MRAP: variants seen among roughly 807,000 people sequenced by gnomAD.
MRAP encodes melanocortin-2 receptor accessory protein.
In MRAP, 8 loss-of-function variants were observed where a neutral mutation model predicts 8.7. The ratio of observed to expected loss-of-function variants is 0.92; its 90% CI spans 0.54 to 1.66. MRAP has a LOEUF of 1.66. Ranked by LOEUF, MRAP falls within the 40% of genes most tolerant of loss-of-function variation. The probability of loss-of-function intolerance (pLI) is 0.00; values close to 1 mark genes in which losing one functional copy is unlikely to be tolerated. For synonymous variants in MRAP, 95 were observed against 95.5 expected, an observed-to-expected ratio of 1.00 and a Z score of 0.03; for missense variants, 237 against 217.1, an observed-to-expected ratio of 1.09 and a Z score of -0.58.
intron 1 of MRAP, among the ~76,000 whole-genome samples, chr21:32,292,801 T>C (rs979249689): frequency 6.6e-6 from 1 of 151,738 alleles, no homozygotes; most frequent in South Asian, 2.1e-4. Flanking sequence ...TGCCCAGCCA[T>C]TAAAATGTAA....
chr21:32,307,766 C>T (rs2032455803), intron 2 of MRAP, among the ~76,000 whole-genome samples: 1 of 151,976 alleles, frequency 6.6e-6, no homozygotes, highest in Non-Finnish European at 1.5e-5. Context: ...CCCGGCTACT[C>T]AGGAGGCTGA....
chr21:32,300,620 G>A (rs78270502), intron 1 of MRAP, among the ~76,000 whole-genome samples: 22 of 50,200 alleles, frequency 4.4e-4, no homozygotes, highest in African/African-American at 5.6e-4. Flanking sequence ...GTCACGCGTC[G>A]TATGTCAGAT....
chr21:32,295,574 G>A (rs574467499), upstream of MRAP, among the ~76,000 whole-genome samples: 3 of 152,300 alleles, frequency 2.0e-5, no homozygotes, highest in Admixed American at 6.5e-5. Flanking sequence ...TGGTGTATGT[G>A]TAGGGGGAGC....
At chr21:32,313,701 A>G (rs1483764630), downstream of MRAP, 1 of 152,250 alleles carries the variant, frequency 6.6e-6, no homozygotes, top group East Asian at 1.9e-4. Context: ...CACGATGTAC[A>G]TTATACGGCA....
upstream of MRAP, among the ~76,000 whole-genome samples, chr21:32,295,907 CAGAGG>C: frequency 1.3e-5 from 2 of 152,142 alleles, no homozygotes; most frequent in Non-Finnish European, 2.9e-5. Flanking sequence ...ACTCAGGAGG[CAGAGG>C]TTGGAGTAAG....
intron 1 of MRAP, among the ~76,000 whole-genome samples, chr21:32,292,388 GT>G (rs1467986795): frequency 6.6e-6 from 1 of 152,170 alleles, no homozygotes; most frequent in African/African-American, 2.4e-5. Flanking sequence ...TAAAAATTGA[GT>G]TTTTATCAAA....
At chr21:32,303,917 AAAACTT>A (rs1219325433) in intron 1 of MRAP, among the ~76,000 whole-genome samples, 2 of 152,216 alleles carry the variant, frequency 1.3e-5, no homozygotes, top group Non-Finnish European at 1.5e-5. Flanking sequence ...TTGGTCTGAC[AAAACTT>A]AAACTCCACT....
In MRAP at chr21:32,306,748, G is replaced by A. The variant is rs964424855; in HGVS notation, c.206+9G>A. On this transcript the variant is annotated intron_variant, in intron 2 of 2. Coordinates refer to ENST00000303645, the MANE Select transcript of MRAP (RefSeq NM_001379228.1). ...GCCTCCCCGCAGATGAGGTGGGTAAGAAGGGGTGTGAGTCTGTGGGTCACT... is the reference window on the plus strand; with the variant it reads ...GCCTCCCCGCAGATGAGGTGGGTAAAAAGGGGTGTGAGTCTGTGGGTCACT... 1.2e-6 allele frequency: 2 copies of A among 1,610,598 alleles called. No individual in the cohort carries two copies. Among genetic ancestry groups the A allele is most frequent in the East Asian group, 2.2e-5 (1 of 44,868 alleles).
intron 1 of MRAP, among the ~76,000 whole-genome samples, chr21:32,300,813 G>C (rs938588648): frequency 1.3e-5 from 2 of 148,372 alleles, no homozygotes; most frequent in African/African-American, 5.0e-5. Flanking sequence ...TATGTCAGGG[G>C]CGTCATGTGT....
rs1361008039 is a variant in MRAP at position 32,306,702 on chromosome 21, T to C, written c.169T>C (p.Leu57=). The change falls in exon 2 of 3, where the codon TTG becomes CTG. Residue 57 remains leucine, a synonymous_variant. Transcript: ENST00000303645. ...AAFVVLLFLI[L]LYMSWSASPQ... ...CTTCGTGGTGCTGCTCTTCCTCATCTTGCTCTACATGTCCTGGTCCGCCTC... is the reference window on the plus strand; with the variant it reads ...CTTCGTGGTGCTGCTCTTCCTCATCCTGCTCTACATGTCCTGGTCCGCCTC... 1.2e-6 allele frequency: 2 copies of C among 1,614,172 alleles called. No homozygotes were observed. The highest frequency in any genetic ancestry group is 3.3e-5 in the Admixed American group (2 of 60,026).
chr21:32,308,270 C>T (rs1475002883), intron 2 of MRAP, among the ~76,000 whole-genome samples: 2 of 151,750 alleles, frequency 1.3e-5, no homozygotes, highest in East Asian at 1.9e-4. Context: ...CCCAGCTACT[C>T]GTGAGGCCAA....
At chr21:32,299,814 T>A (rs1254553983) in intron 1 of MRAP, among the ~76,000 whole-genome samples, 2 of 152,196 alleles carry the variant, frequency 1.3e-5, no homozygotes, top group Non-Finnish European at 2.9e-5. Context: ...ATACGTTTAA[T>A]CTTCATAGTC....
chr21:32,303,370 C>G (rs567247532), intron 1 of MRAP, among the ~76,000 whole-genome samples: 1 of 152,298 alleles, frequency 6.6e-6, no homozygotes, highest in South Asian at 2.1e-4. Context: ...TTTAACAAAA[C>G]AGAAGTGTCT....
chr21:32,313,656 T>G (rs1478153243), downstream of MRAP: 1 of 152,216 alleles, frequency 6.6e-6, no homozygotes, highest in Non-Finnish European at 1.5e-5. Context: ...AAAATAGAAG[T>G]GTAAATGTTT....
chr21:32,298,540 G>A (rs1381517971), upstream of MRAP, among the ~76,000 whole-genome samples: 1 of 152,154 alleles, frequency 6.6e-6, no homozygotes, highest in Non-Finnish European at 1.5e-5. Flanking sequence ...GCACTGTCGG[G>A]CTTACATTTT....
At chr21:32,300,003 G>C (rs1175294607) in intron 1 of MRAP, among the ~76,000 whole-genome samples, 3 of 152,184 alleles carry the variant, frequency 2.0e-5, no homozygotes, top group Non-Finnish European at 4.4e-5. Flanking sequence ...CAAAGCCTGG[G>C]AAGATTGGGT....
intron 1 of MRAP, among the ~76,000 whole-genome samples, chr21:32,304,834 T>C (rs2032369380): frequency 6.6e-6 from 1 of 152,112 alleles, no homozygotes; most frequent in Non-Finnish European, 1.5e-5. Context: ...GGGTCTTTGC[T>C]GTCCCTGCCC....
At chr21:32,298,773 T>C (rs974769364), upstream of MRAP, 53 of 554,090 alleles carry the variant, frequency 9.6e-5, no homozygotes, top group African/African-American at 9.8e-4. Context: ...TGCTGGATGC[T>C]GGCGTTGTGA....
chr21:32,299,198 G>C (rs1015131709), intron 1 of MRAP, 121 bp downstream of exon 1: 1 of 761,054 alleles, frequency 1.3e-6, no homozygotes, highest in East Asian at 2.7e-5. Context: ...GGGAAAGCAG[G>C]AATGTGGCCA....
Sources: gnomAD v4.1 joint callset for allele counts (sites outside exome capture counted in the v4.1 genomes callset) on GRCh38, gnomAD v4.1.1 for gene constraint, MANE v1.5 for transcripts, NCBI Gene and HGNC (gene_info 2026-07-23, HGNC 2026-07-21) for gene names.